CEP83: variants seen among roughly 807,000 people sequenced by gnomAD.
CEP83 encodes the protein centrosomal protein of 83 kDa.
CEP83 carries 70 observed loss-of-function variants against 101.9 expected under a neutral mutation model. That is an observed-to-expected ratio of 0.69 (90% confidence interval 0.57 to 0.84). CEP83 has a LOEUF of 0.84. CEP83 is among the 40% of genes least tolerant of loss of function. The pLI is 0.00. For missense variants in CEP83, 715 were observed against 787.2 expected (o/e 0.91, Z 1.10); for synonymous variants, 264 against 267.9 (o/e 0.99, Z 0.14).
At chr12:94,455,150 CTA>C (rs1487523056) in intron 1 of CEP83, among the ~76,000 whole-genome samples, 3 of 152,208 alleles carry the variant, frequency 2.0e-5, no homozygotes, top group African/African-American at 7.2e-5. Flanking sequence ...TCATGCATCT[CTA>C]TGTGGAAAAC....
At chr12:94,289,018 T>C in the CEP83 span, among the ~76,000 whole-genome samples, 7 of 152,346 alleles carry the variant, frequency 4.6e-5, no homozygotes, top group Admixed American at 1.3e-4. Context: ...TGGAGCCATA[T>C]GAAATTGTCA....
chr12:94,365,217 A>G (rs2060963001), intron 11 of CEP83, among the ~76,000 whole-genome samples: 1 of 152,206 alleles, frequency 6.6e-6, no homozygotes, highest in South Asian at 2.1e-4. Flanking sequence ...CAAACAATAC[A>G]TACAAAAATG....
chr12:94,344,323 TATTAGCACTAA>T (rs2059833517), intron 11 of CEP83, among the ~76,000 whole-genome samples: 1 of 152,190 alleles, frequency 6.6e-6, no homozygotes, highest in South Asian at 2.1e-4. Flanking sequence ...AGAAGAAAAT[TATTAGCACTAA>T]ATACTCTTAC....
At chr12:94,329,318 G>A (rs2059110079) in intron 14 of CEP83, among the ~76,000 whole-genome samples, 3 of 151,958 alleles carry the variant, frequency 2.0e-5, no homozygotes, top group Non-Finnish European at 4.4e-5. Context: ...CCAGGCTGGA[G>A]GGCAGTGGTG....
chr12:94,331,051 G>A (rs2136473773), intron 14 of CEP83, among the ~76,000 whole-genome samples: 1 of 152,088 alleles, frequency 6.6e-6, no homozygotes, highest in South Asian at 2.1e-4. Flanking sequence ...CAGCACTTTG[G>A]GAGGCTGAGG....
At chr12:94,443,406 C>G (rs2066565224) in intron 1 of CEP83, among the ~76,000 whole-genome samples, 1 of 151,954 alleles carries the variant, frequency 6.6e-6, no homozygotes, top group Non-Finnish European at 1.5e-5. Flanking sequence ...TTTAGTTGCT[C>G]TAAAAGTGAA....
At chr12:94,296,264 G>A in the CEP83 span, among the ~76,000 whole-genome samples, 1 of 152,124 alleles carries the variant, frequency 6.6e-6, no homozygotes, top group African/African-American at 2.4e-5. Context: ...GGGCTCAAAT[G>A]ATCCTCCCAC....
chr12:94,363,419 A>G (rs1387423481), intron 11 of CEP83, among the ~76,000 whole-genome samples: 1 of 152,206 alleles, frequency 6.6e-6, no homozygotes, highest in African/African-American at 2.4e-5. Context: ...CCACTGAAGA[A>G]AATAGAATGG....
At chr12:94,408,835 C>T (rs891829708) in intron 4 of CEP83, among the ~76,000 whole-genome samples, 1 of 152,074 alleles carries the variant, frequency 6.6e-6, no homozygotes, top group Non-Finnish European at 1.5e-5. Context: ...GATCCTCCTG[C>T]CTCCTGAAGT....
At chr12:94,316,726 C>A (rs1420025491) in intron 14 of CEP83, among the ~76,000 whole-genome samples, 2 of 152,088 alleles carry the variant, frequency 1.3e-5, no homozygotes. Flanking sequence ...GCCTCTTGCT[C>A]CATCCATGTA....
chr12:94,289,949 G>A, the CEP83 span, among the ~76,000 whole-genome samples: 2 of 152,172 alleles, frequency 1.3e-5, no homozygotes, highest in African/African-American at 4.8e-5. Context: ...CTGTGTCTAT[G>A]CTATCTTAAT....
chr12:94,338,768 G>A (rs964906173), intron 11 of CEP83, among the ~76,000 whole-genome samples: 1 of 152,052 alleles, frequency 6.6e-6, no homozygotes, highest in Non-Finnish European at 1.5e-5. Context: ...TATGAAGGCA[G>A]AAATAGTAGG....
At position 94,376,017 on chromosome 12, in the gene CEP83, C is replaced by A. The variant is rs1035196022; in HGVS notation, c.802G>T (p.Ala268Ser). 6.5e-7 allele frequency: 1 copy of A among 1,541,558 alleles called. No homozygotes were observed. Among genetic ancestry groups the A allele is most frequent in the Non-Finnish European group, 8.8e-7 (1 of 1,142,012 alleles). The change falls in exon 8 of 17, where the codon GCT becomes TCT. Residue 268 changes from alanine (A) to serine (S), a missense_variant and splice_region_variant. By Grantham distance (99) the Ala-to-Ser change is moderately conservative. Coordinates refer to ENST00000397809, the MANE Select transcript of CEP83 (RefSeq NM_016122.3). The stretch of plus-strand genomic sequence containing the variant: ...CGTAAATTAGCTGATTGTTTTTCAG[C>A]CTTTCATACAAACAAAATAGTTTAA... ...EMQATVRSLE[A>S]EKQSANLRAE...
chr12:94,411,244 A>C (rs1037871218), intron 4 of CEP83, among the ~76,000 whole-genome samples: 13 of 152,058 alleles, frequency 8.5e-5, no homozygotes, highest in African/African-American at 3.1e-4. Flanking sequence ...TGCTTTACAA[A>C]CCCATTTGTG....
intron 11 of CEP83, among the ~76,000 whole-genome samples, chr12:94,348,851 C>T (rs994089336): frequency 4.6e-5 from 7 of 152,190 alleles, no homozygotes; most frequent in African/African-American, 1.7e-4. Flanking sequence ...AAAAGTGGAA[C>T]GAACTGCACT....
At chr12:94,361,788 G>A (rs1445866397) in intron 11 of CEP83, among the ~76,000 whole-genome samples, 2 of 151,498 alleles carry the variant, frequency 1.3e-5, no homozygotes, top group South Asian at 2.1e-4. Flanking sequence ...CACAACCTCC[G>A]CCTCCTGAGT....
intron 11 of CEP83, among the ~76,000 whole-genome samples, chr12:94,348,920 C>T (rs1035375614): frequency 2.6e-5 from 4 of 152,132 alleles, no homozygotes; most frequent in Admixed American, 6.5e-5. Flanking sequence ...ACTATGACTT[C>T]TTTAAGCATC....
intron 11 of CEP83, among the ~76,000 whole-genome samples, chr12:94,362,577 C>G (rs1289600016): frequency 6.6e-6 from 1 of 152,046 alleles, no homozygotes; most frequent in Non-Finnish European, 1.5e-5. Flanking sequence ...GCAGAGGTTA[C>G]AGTGAGCCGA....
chr12:94,407,364 G>A (rs1453683663), intron 4 of CEP83, among the ~76,000 whole-genome samples: 2 of 152,174 alleles, frequency 1.3e-5, no homozygotes, highest in Admixed American at 6.5e-5. Flanking sequence ...AAAGAGAACA[G>A]CAGCCAAAAA....
Sources: gnomAD v4.1 joint callset for allele counts (sites outside exome capture counted in the v4.1 genomes callset) on GRCh38, gnomAD v4.1.1 for gene constraint, MANE v1.5 for transcripts, NCBI Gene and HGNC (gene_info 2026-07-23, HGNC 2026-07-21) for gene names.